Variants in LNX1 observed in about 807,000 individuals in gnomAD.
LNX1 encodes ligand of numb-protein X 1, also known as E3 ubiquitin-protein ligase LNX.
Under a neutral mutation model 68.4 loss-of-function variants are expected in LNX1, and 54 were observed. The observed-to-expected ratio is 0.79, with a 90% CI of 0.63 to 0.99. LNX1 has a LOEUF of 0.99. LNX1 is among the 50% of genes least tolerant of loss of function. The probability of loss-of-function intolerance (pLI) is 0.00; values close to 1 mark genes in which losing one functional copy is unlikely to be tolerated. For synonymous variants in LNX1, 336 were observed against 350.0 expected (o/e 0.96, Z 0.45); for missense variants, 906 against 926.4 (o/e 0.98, Z 0.29).
At chr4:53,540,321 TG>T (rs1728662458) in intron 2 of LNX1, among the ~76,000 whole-genome samples, 1 of 152,148 alleles carries the variant, frequency 6.6e-6, no homozygotes, top group South Asian at 2.1e-4. Flanking sequence ...TGGTTGAGGC[TG>T]CAGTAAGTCA....
chr4:53,647,414 G>T (rs1685788775), intron 1 of LNX1, among the ~76,000 whole-genome samples: 1 of 151,862 alleles, frequency 6.6e-6, no homozygotes, highest in Non-Finnish European at 1.5e-5. Flanking sequence ...TTCTATAATT[G>T]CTAGAGTTGT....
At chr4:53,580,217 C>A (rs1359594780) in intron 1 of LNX1, among the ~76,000 whole-genome samples, 1 of 152,192 alleles carries the variant, frequency 6.6e-6, no homozygotes, top group African/African-American at 2.4e-5. Context: ...CCTGCCCTTT[C>A]CACAAGTGCC....
At chr4:53,623,302 C>A (rs1432123501) in intron 1 of LNX1, among the ~76,000 whole-genome samples, 2 of 151,664 alleles carry the variant, frequency 1.3e-5, no homozygotes, top group East Asian at 3.9e-4. Flanking sequence ...CTCCCAGGCT[C>A]AAGTGATCCT....
chr4:53,596,711 C>T (rs567738507), intron 2 of LNX1, among the ~76,000 whole-genome samples: 12 of 152,236 alleles, frequency 7.9e-5, no homozygotes, highest in Admixed American at 2.6e-4. Context: ...TGTCTCTTCT[C>T]CTTGTTAACT....
rs539804805 is a variant in LNX1, at chr4:53,557,948, C to T, written c.380+15675G>A. 77 of 1,613,622 alleles carry T rather than the reference C, an allele frequency of 4.8e-5. No individual in the cohort carries two copies. In the South Asian group the frequency reaches 7.9e-4, roughly 17 times the overall value. On this transcript the variant is annotated intron_variant, in intron 2 of 10. Coordinates refer to ENST00000263925, the MANE Select transcript of LNX1 (RefSeq NM_001126328.3). ...CAGGACTGAGCCAAGGCAAGACCAG[C>T]AACAGAAGCGCCTTCATTCTCCGAG...
chr4:53,583,539 A>G (rs909336522), intron 1 of LNX1, among the ~76,000 whole-genome samples: 15 of 143,254 alleles, frequency 1.0e-4, no homozygotes, highest in African/African-American at 3.9e-4. Context: ...TATTGCAAAC[A>G]CCCAAAAATA....
At chr4:53,514,263 C>G (rs1435574607) in intron 2 of LNX1, among the ~76,000 whole-genome samples, 1 of 152,146 alleles carries the variant, frequency 6.6e-6, no homozygotes, top group Non-Finnish European at 1.5e-5. Flanking sequence ...ATAGAAGGTG[C>G]TCAGTGTATG....
chr4:53,616,936 T>A (rs543173075), intron 1 of LNX1, among the ~76,000 whole-genome samples: 8 of 152,278 alleles, frequency 5.3e-5, no homozygotes, highest in African/African-American at 1.9e-4. Flanking sequence ...TTTATAAAAG[T>A]TCCCTGACTA....
chr4:53,461,068 T>G lies in LNX1; in HGVS notation c.2052-26A>C, dbSNP rs3811785. On this transcript the variant is annotated intron_variant, in intron 10 of 10. Coordinates refer to ENST00000263925, the MANE Select transcript of LNX1 (RefSeq NM_001126328.3). The stretch of plus-strand genomic sequence containing the variant: ...CTAAAAAAAAAAACAAAACAAGATA[T>G]GATTAGTATTTTAATTCGTTGCTGA... 3 of 1,534,490 alleles carry G rather than the reference T, an allele frequency of 2.0e-6. No homozygotes were observed. The South Asian group carries it at 3.8e-5, about 19-fold the overall frequency.
intron 9 of LNX1, among the ~76,000 whole-genome samples, chr4:53,471,407 T>A (rs1045915123): frequency 1.3e-5 from 2 of 152,096 alleles, no homozygotes; most frequent in Non-Finnish European, 2.9e-5. Context: ...AACCTAGGCA[T>A]TACCATTCAG....
chr4:53,565,375 C>T (rs933184506), intron 2 of LNX1, among the ~76,000 whole-genome samples: 12 of 151,986 alleles, frequency 7.9e-5, no homozygotes, highest in Admixed American at 7.9e-4. Flanking sequence ...GAGGCACCCT[C>T]CAGCAGGGGC....
intron 2 of LNX1, among the ~76,000 whole-genome samples, chr4:53,535,911 C>A (rs1302574203): frequency 6.6e-6 from 1 of 152,106 alleles, no homozygotes; most frequent in Non-Finnish European, 1.5e-5. Flanking sequence ...ACCATCACAC[C>A]CATTTTACCG....
intron 1 of LNX1, among the ~76,000 whole-genome samples, chr4:53,651,200 T>TG (rs1735083968): frequency 6.6e-6 from 1 of 152,180 alleles, no homozygotes; most frequent in South Asian, 2.1e-4. Context: ...AAATTCCTCC[T>TG]GGGGGACTTG....
upstream of LNX1, among the ~76,000 whole-genome samples, chr4:53,620,725 A>C (rs978018554): frequency 6.6e-6 from 1 of 151,976 alleles, no homozygotes; most frequent in East Asian, 1.9e-4. Context: ...AGAAAAGAAA[A>C]ATTATATTAA....
At chr4:53,493,275 C>A (rs1464708800) in intron 6 of LNX1, among the ~76,000 whole-genome samples, 3 of 152,130 alleles carry the variant, frequency 2.0e-5, no homozygotes, top group Non-Finnish European at 4.4e-5. Context: ...CCAGAAAATG[C>A]CTCTTCTAAC....
intron 6 of LNX1, among the ~76,000 whole-genome samples, chr4:53,493,931 C>T (rs991595330): frequency 1.3e-4 from 20 of 152,160 alleles, no homozygotes; most frequent in African/African-American, 3.9e-4. Flanking sequence ...CGTGGCTTTG[C>T]GGATAAAGTC....
chr4:53,611,708 G>T (rs1459025662), intron 2 of LNX1, among the ~76,000 whole-genome samples: 5 of 152,016 alleles, frequency 3.3e-5, no homozygotes, highest in Non-Finnish European at 4.4e-5. Context: ...TGTCCTACTG[G>T]ATCTCAATTT....
At chr4:53,507,115 T>G (rs1725949007) in intron 4 of LNX1, among the ~76,000 whole-genome samples, 1 of 152,230 alleles carries the variant, frequency 6.6e-6, no homozygotes, top group African/African-American at 2.4e-5. Context: ...AACACTTTTT[T>G]CTTCAATCTA....
intron 2 of LNX1, among the ~76,000 whole-genome samples, chr4:53,570,528 G>A (rs547182839): frequency 8.7e-6 from 1 of 115,164 alleles, no homozygotes; most frequent in Non-Finnish European, 1.7e-5. Flanking sequence ...GTGGGGGGAG[G>A]GGGGAGGGAT....
Sources: gnomAD v4.1 joint callset for allele counts (sites outside exome capture counted in the v4.1 genomes callset) on GRCh38, gnomAD v4.1.1 for gene constraint, MANE v1.5 for transcripts, NCBI Gene and HGNC (gene_info 2026-07-23, HGNC 2026-07-21) for gene names.